TRIM44: variants seen among roughly 807,000 people sequenced by gnomAD.
The protein encoded by TRIM44 is tripartite motif-containing protein 44.
Under a neutral mutation model 37.4 loss-of-function variants are expected in TRIM44, and 13 were observed. That is an observed-to-expected ratio of 0.35 (90% CI 0.23 to 0.55). The LOEUF (loss-of-function observed/expected upper bound fraction) is 0.55, where lower values mean the gene tolerates loss of function less well. Ranked by LOEUF, TRIM44 falls within the 20% of genes least tolerant of loss-of-function variation. The probability of loss-of-function intolerance (pLI) is 0.89; values close to 1 mark genes in which losing one functional copy is unlikely to be tolerated. For synonymous variants in TRIM44, 175 were observed against 157.2 expected (o/e 1.11, Z -0.85); for missense variants, 426 against 437.2 (o/e 0.97, Z 0.23).
intron 2 of TRIM44, among the ~76,000 whole-genome samples, chr11:35,704,143 TGAAA>T (rs1310600586): frequency 2.6e-5 from 4 of 151,888 alleles, no homozygotes; most frequent in Non-Finnish European, 5.9e-5. Context: ...TGCGATCAAC[TGAAA>T]GAAAGGGTAT....
At chr11:35,801,309 C>T (rs1038841714) in intron 4 of TRIM44, among the ~76,000 whole-genome samples, 1 of 152,212 alleles carries the variant, frequency 6.6e-6, no homozygotes, top group Admixed American at 6.5e-5. Context: ...AGCCTTCGTT[C>T]CTTGTCAATA....
chr11:35,799,831 G>A (rs1206027305), intron 4 of TRIM44, among the ~76,000 whole-genome samples: 1 of 152,146 alleles, frequency 6.6e-6, no homozygotes, highest in Non-Finnish European at 1.5e-5. Flanking sequence ...AAGAGAGAAG[G>A]CTCATAGGAT....
At chr11:35,742,473 AT>A (rs1852412453) in intron 4 of TRIM44, among the ~76,000 whole-genome samples, 4 of 129,658 alleles carry the variant, frequency 3.1e-5, no homozygotes, top group African/African-American at 6.3e-5. Flanking sequence ...AATTAATATA[AT>A]TATATTAATT....
At chr11:35,805,422 G>C (rs772811011) in intron 4 of TRIM44, among the ~76,000 whole-genome samples, 2 of 152,150 alleles carry the variant, frequency 1.3e-5, no homozygotes, top group African/African-American at 2.4e-5. Context: ...TACCAACAGT[G>C]TTCTCTCCCA....
chr11:35,745,790 G>T (rs1483494008), intron 4 of TRIM44, among the ~76,000 whole-genome samples: 1 of 152,094 alleles, frequency 6.6e-6, no homozygotes, highest in East Asian at 1.9e-4. Flanking sequence ...AGACACACCA[G>T]TTCACCTAAG....
At chr11:35,758,231 T>C (rs1852673726) in intron 4 of TRIM44, among the ~76,000 whole-genome samples, 1 of 152,184 alleles carries the variant, frequency 6.6e-6, no homozygotes, top group Admixed American at 6.5e-5. Flanking sequence ...TATTGTTGAA[T>C]TGATCCCTTT....
chr11:35,693,573 G>C (rs921484173), intron 2 of TRIM44, among the ~76,000 whole-genome samples: 2 of 152,138 alleles, frequency 1.3e-5, no homozygotes, highest in Non-Finnish European at 2.9e-5. Flanking sequence ...TTTAGCATGA[G>C]CGACTCCATT....
intron 4 of TRIM44, among the ~76,000 whole-genome samples, chr11:35,802,085 T>C (rs548022184): frequency 3.5e-4 from 53 of 152,352 alleles, no homozygotes; most frequent in African/African-American, 1.3e-3. Flanking sequence ...CACTATATAA[T>C]CTAATTGGCA....
chr11:35,693,647 A>G (rs1175429219), intron 2 of TRIM44, among the ~76,000 whole-genome samples: 7 of 152,130 alleles, frequency 4.6e-5, no homozygotes. Flanking sequence ...GGCCTCCCAT[A>G]GTTTTGTTTT....
intron 2 of TRIM44, among the ~76,000 whole-genome samples, chr11:35,692,963 A>G (rs572283462): frequency 2.0e-5 from 3 of 152,220 alleles, no homozygotes; most frequent in East Asian, 1.9e-4. Context: ...GCCGAATTAA[A>G]TTTTAGGGAC....
intron 2 of TRIM44, among the ~76,000 whole-genome samples, chr11:35,696,442 G>A (rs897082394): frequency 2.0e-5 from 3 of 151,512 alleles, no homozygotes; most frequent in Middle Eastern, 3.4e-3. Flanking sequence ...GCAAGCAGCC[G>A]TCAAAAATTT....
intron 4 of TRIM44, among the ~76,000 whole-genome samples, chr11:35,740,777 CCA>C (rs1364081735): frequency 6.6e-6 from 1 of 152,178 alleles, no homozygotes; most frequent in East Asian, 1.9e-4. Flanking sequence ...ACTCTTTCCT[CCA>C]CCTAGTTTTG....
At chr11:35,751,602 A>G (rs1852560123) in intron 4 of TRIM44, among the ~76,000 whole-genome samples, 1 of 152,244 alleles carries the variant, frequency 6.6e-6, no homozygotes, top group Non-Finnish European at 1.5e-5. Flanking sequence ...GTACGTAAGA[A>G]ATACAAGTAA....
chr11:35,748,017 C>T (rs1450799402), intron 4 of TRIM44, among the ~76,000 whole-genome samples: 1 of 152,088 alleles, frequency 6.6e-6, no homozygotes, highest in Admixed American at 6.5e-5. Context: ...GGCACTCGTT[C>T]CCTCAGGTTA....
intron 2 of TRIM44, among the ~76,000 whole-genome samples, chr11:35,708,651 T>C (rs1221986103): frequency 4.0e-5 from 6 of 151,440 alleles, no homozygotes; most frequent in African/African-American, 1.5e-4. Flanking sequence ...CTCAGTAAAC[T>C]ATCGTAAGAA....
rs139373464 is a variant in TRIM44 at position 35,814,433 on chromosome 11, G to A, written c.*8048G>A. On this transcript the variant is annotated 3_prime_UTR_variant, in exon 5 of 5. Transcript: ENST00000299413. ...AAAGAATTGCTTGCATCTAATAATGGTGTAATGCCAATACTAAGCCCTGGA... is the reference window on the plus strand; with the variant it reads ...AAAGAATTGCTTGCATCTAATAATGATGTAATGCCAATACTAAGCCCTGGA... 1 of 152,286 alleles carries A rather than the reference G, an allele frequency of 6.6e-6. No individual in the cohort carries two copies. Among genetic ancestry groups the A allele is most frequent in the Non-Finnish European group, 1.5e-5 (1 of 68,028 alleles). The allele number at this position is 152,286 out of a possible 1,614,324, so 9.4% of individuals were successfully genotyped here.
chr11:35,707,246 G>C (rs1284282162), intron 2 of TRIM44, among the ~76,000 whole-genome samples: 1 of 152,120 alleles, frequency 6.6e-6, no homozygotes. Flanking sequence ...ACAAACCACT[G>C]CTCAATGAAA....
chr11:35,729,225 A>C (rs1032465290), intron 3 of TRIM44, among the ~76,000 whole-genome samples: 2 of 152,158 alleles, frequency 1.3e-5, no homozygotes, highest in Non-Finnish European at 2.9e-5. Flanking sequence ...TCATGAAAAA[A>C]GTGGCACTGC....
At chr11:35,803,747 C>T (rs1343323111) in intron 4 of TRIM44, among the ~76,000 whole-genome samples, 1 of 151,962 alleles carries the variant, frequency 6.6e-6, no homozygotes, top group Non-Finnish European at 1.5e-5. Flanking sequence ...AATGAGATAA[C>T]CTCATGAACA....
Sources: gnomAD v4.1 joint callset for allele counts (sites outside exome capture counted in the v4.1 genomes callset) on GRCh38, gnomAD v4.1.1 for gene constraint, MANE v1.5 for transcripts, NCBI Gene and HGNC (gene_info 2026-07-23, HGNC 2026-07-21) for gene names.